Variants in XKR4 observed in about 807,000 individuals in gnomAD.
XKR4 encodes the protein XK related 4.
A neutral mutation model predicts 53.9 loss-of-function variants in XKR4; 12 were observed. That is an observed-to-expected ratio of 0.22 (90% CI 0.14 to 0.36). The LOEUF (loss-of-function observed/expected upper bound fraction) is 0.36. Ranked by LOEUF, XKR4 falls within the 10% of genes least tolerant of loss-of-function variation. The pLI is 1.00. For missense variants in XKR4, 799 were observed against 859.5 expected (o/e 0.93, Z 0.88); for synonymous variants, 354 against 362.4 (o/e 0.98, Z 0.26).
intron 1 of XKR4, among the ~76,000 whole-genome samples, chr8:55,104,769 C>T (rs149347866): frequency 1.3e-5 from 2 of 151,986 alleles, no homozygotes; most frequent in African/African-American, 4.8e-5. Context: ...ATTTTGGACT[C>T]AAAGTAACTT....
chr8:55,154,931 G>T (rs1816884721), intron 1 of XKR4, among the ~76,000 whole-genome samples: 1 of 152,144 alleles, frequency 6.6e-6, no homozygotes, highest in African/African-American at 2.4e-5. Context: ...ATAAAATGTC[G>T]CTGGTGTACG....
chr8:55,244,704 C>T (rs1818258902), intron 1 of XKR4, among the ~76,000 whole-genome samples: 1 of 152,152 alleles, frequency 6.6e-6, no homozygotes, highest in Non-Finnish European at 1.5e-5. Flanking sequence ...ATTCCCTTTT[C>T]TCCGCAATCA....
chr8:55,356,255 T>C (rs1400652402), intron 1 of XKR4, among the ~76,000 whole-genome samples: 2 of 152,250 alleles, frequency 1.3e-5, no homozygotes, highest in Non-Finnish European at 2.9e-5. Flanking sequence ...CTAATTCTGA[T>C]GTGCTTCCTG....
intron 1 of XKR4, among the ~76,000 whole-genome samples, chr8:55,328,701 C>A (rs907337423): frequency 3.3e-5 from 5 of 152,168 alleles, no homozygotes; most frequent in African/African-American, 1.2e-4. Context: ...CACCGCATGA[C>A]CTTTTTTCTA....
At chr8:55,475,288 A>G (rs955152752) in intron 2 of XKR4, among the ~76,000 whole-genome samples, 1 of 152,156 alleles carries the variant, frequency 6.6e-6, no homozygotes, top group African/African-American at 2.4e-5. Context: ...GGTTGTGGGC[A>G]GGTGAGCCAA....
intron 1 of XKR4, among the ~76,000 whole-genome samples, chr8:55,254,023 C>A (rs558988725): frequency 6.6e-6 from 1 of 151,878 alleles, no homozygotes; most frequent in African/African-American, 2.4e-5. Flanking sequence ...CCTGGCCTGT[C>A]GCCTATTTTC....
At chr8:55,196,175 CTTTTT>C (rs1032613430) in intron 1 of XKR4, among the ~76,000 whole-genome samples, 1 of 125,946 alleles carries the variant, frequency 7.9e-6, no homozygotes, top group African/African-American at 3.0e-5. Flanking sequence ...GTTGTGCTTC[CTTTTT>C]TTTTTTTTTT....
intron 1 of XKR4, among the ~76,000 whole-genome samples, chr8:55,194,277 A>T (rs1008670843): frequency 1.3e-5 from 2 of 152,092 alleles, no homozygotes; most frequent in African/African-American, 4.8e-5. Context: ...TTCCTGAAAT[A>T]TTTTTGTCAG....
chr8:55,384,248 G>A (rs553958374), intron 2 of XKR4, among the ~76,000 whole-genome samples: 7 of 152,138 alleles, frequency 4.6e-5, no homozygotes, highest in Non-Finnish European at 8.8e-5. Context: ...TGTTGGAGTC[G>A]GGTCTTCCTT....
chr8:55,262,294 T>A (rs1165631289), intron 1 of XKR4, among the ~76,000 whole-genome samples: 10 of 152,220 alleles, frequency 6.6e-5, no homozygotes, highest in African/African-American at 2.4e-4. Context: ...GAGATATGAT[T>A]TTTCCATTAA....
At chr8:55,399,167 G>A (rs1332294020) in intron 2 of XKR4, among the ~76,000 whole-genome samples, 1 of 152,192 alleles carries the variant, frequency 6.6e-6, no homozygotes, top group Non-Finnish European at 1.5e-5. Context: ...CTGACTTCCA[G>A]TGGGGAGTCT....
At chr8:55,380,749 G>A (rs1248156400) in intron 2 of XKR4, among the ~76,000 whole-genome samples, 1 of 152,222 alleles carries the variant, frequency 6.6e-6, no homozygotes, top group Non-Finnish European at 1.5e-5. Context: ...TCTAGGACAG[G>A]AACCTGCTAC....
rs1438938737 is a variant in XKR4, at chr8:55,346,683, T to TTGTGTG, written c.807-10994_807-10993insGTGTGT. Among the ~76,000 whole-genome samples the TTGTGTG allele has an allele frequency of 2.5e-3, 138 of 55,526 alleles. 1 individual carries two copies. Among genetic ancestry groups the TTGTGTG allele is most frequent in the African/African-American group, 0.014 (129 of 9,442 alleles). 36.4% of individuals were successfully genotyped at this position (55,526 alleles called of 152,430 possible). On this transcript the variant is annotated intron_variant, in intron 1 of 2. Transcript: ENST00000327381. ...TAACAAAAACAGAAACCTGTTGAGG[T>TTGTGTG]TATGTGTGTGTGTGTGTGTGTGTGT...
intron 1 of XKR4, among the ~76,000 whole-genome samples, chr8:55,167,234 A>G (rs1299432308): frequency 2.0e-5 from 3 of 152,236 alleles, no homozygotes; most frequent in Non-Finnish European, 4.4e-5. Flanking sequence ...GGAGAGGTAT[A>G]TTATAAGTTC....
chr8:55,270,260 T>G (rs1818668575), intron 1 of XKR4, among the ~76,000 whole-genome samples: 1 of 152,168 alleles, frequency 6.6e-6, no homozygotes, highest in African/African-American at 2.4e-5. Flanking sequence ...GTCCTTGCTG[T>G]GTGCCTGGCA....
At chr8:55,369,564 G>A (rs1453252595) in intron 2 of XKR4, among the ~76,000 whole-genome samples, 1 of 142,530 alleles carries the variant, frequency 7.0e-6, no homozygotes, top group Non-Finnish European at 1.5e-5. Context: ...AGGGAAGGAA[G>A]GGAGGGAGGG....
intron 1 of XKR4, among the ~76,000 whole-genome samples, chr8:55,242,705 G>A (rs1398358769): frequency 6.6e-6 from 1 of 152,130 alleles, no homozygotes; most frequent in Non-Finnish European, 1.5e-5. Flanking sequence ...GCGGGATGTT[G>A]AGTTAGCCCC....
At chr8:55,450,744 C>G in intron 2 of XKR4, 2 of 580,430 alleles carry the variant, frequency 3.4e-6, no homozygotes, top group Non-Finnish European at 6.6e-6. Flanking sequence ...TCTCCACCAG[C>G]AGGTGGAACC....
At chr8:55,157,872 C>A (rs1816930149) in intron 1 of XKR4, among the ~76,000 whole-genome samples, 1 of 152,174 alleles carries the variant, frequency 6.6e-6, no homozygotes, top group South Asian at 2.1e-4. Flanking sequence ...TTTTTTATGG[C>A]TGTGTAGTAT....
Sources: gnomAD v4.1 joint callset for allele counts (sites outside exome capture counted in the v4.1 genomes callset) on GRCh38, gnomAD v4.1.1 for gene constraint, MANE v1.5 for transcripts, NCBI Gene and HGNC (gene_info 2026-07-23, HGNC 2026-07-21) for gene names.